The following PCED1B variants were observed in gnomAD, a reference collection of about 807,000 sequenced individuals.
The protein encoded by PCED1B is PC-esterase domain-containing protein 1B.
For missense variants in PCED1B, 573 were observed against 573.9 expected (o/e 1.00, Z 0.02); for synonymous variants, 251 against 246.1 (o/e 1.02, Z -0.19).
Position 47,146,993 on chromosome 12 carries a change from T to C in PCED1B, c.-526+42798T>C, listed in dbSNP as rs1940810883. Among the ~76,000 whole-genome samples the C allele has an allele frequency of 3.1e-5, 4 of 130,598 alleles. No homozygotes were observed. In the Admixed American group the frequency reaches 3.5e-4, roughly 12 times the overall value. 85.7% of individuals were successfully genotyped at this position (130,598 alleles called of 152,430 possible). A position where few individuals can be genotyped will look rare whatever the true frequency, so the allele number is the denominator to read the frequency against. ...AAATTTCTTTAGATATCCTAGTTCATTGCTCTTTTTTTTTTTTTTTTTTTT... is the reference window on the plus strand; with the variant it reads ...AAATTTCTTTAGATATCCTAGTTCACTGCTCTTTTTTTTTTTTTTTTTTTT... On this transcript the variant is annotated intron_variant, in intron 2 of 3. Coordinates refer to ENST00000546455, the MANE Select transcript of PCED1B (RefSeq NM_138371.3).
rs1357587210 is a variant in PCED1B at position 47,236,528 on chromosome 12, G to A, written c.*166G>A. 1.4e-6 allele frequency: 1 copy of A among 702,292 alleles called. No individual in the cohort carries two copies. Among genetic ancestry groups the A allele is most frequent in the South Asian group, 2.7e-5 (1 of 37,266 alleles). 43.5% of individuals were successfully genotyped at this position (702,292 alleles called of 1,614,324 possible). On this transcript the variant is annotated 3_prime_UTR_variant, in exon 4 of 4. Transcript: ENST00000546455. The stretch of plus-strand genomic sequence containing the variant: ...TTACCAAGAAAGCCAAGGAAGAGCA[G>A]CCTGACTCATTCTTCTTGGCTGCAG...
At chr12:47,094,348 G>A (rs1175925844) in intron 1 of PCED1B, among the ~76,000 whole-genome samples, 1 of 152,036 alleles carries the variant, frequency 6.6e-6, no homozygotes, top group African/African-American at 2.4e-5. Context: ...ATTTGGGTTT[G>A]TTTTTTATCT....
chr12:47,108,846 G>C lies in PCED1B; in HGVS notation c.-526+4651G>C, dbSNP rs1939071396. Reference sequence around the variant, plus strand: ...TTGGGAAGCCAAGGCAAGATTACTTGAGAGCAGTCTGGGCAATATAGTGAG... The same window carrying C: ...TTGGGAAGCCAAGGCAAGATTACTTCAGAGCAGTCTGGGCAATATAGTGAG... On this transcript the variant is annotated intron_variant, in intron 2 of 3. Transcript: ENST00000546455. Among the ~76,000 whole-genome samples the C allele has an allele frequency of 2.0e-5, 3 of 152,186 alleles. No homozygotes were observed. The South Asian group carries it at 6.2e-4, about 31-fold the overall frequency.
intron 2 of PCED1B, among the ~76,000 whole-genome samples, chr12:47,183,014 CTT>C (rs11317506): frequency 2.0e-5 from 3 of 147,586 alleles, no homozygotes; most frequent in Non-Finnish European, 3.0e-5. Context: ...AGGGGTCTCT[CTT>C]TTTTTTTTTG....
intron 2 of PCED1B, among the ~76,000 whole-genome samples, chr12:47,146,213 C>A (rs747736673): frequency 3.9e-5 from 6 of 152,298 alleles, no homozygotes; most frequent in Non-Finnish European, 7.3e-5. Context: ...TGATTGATTG[C>A]TGCAATCTCA....
chr12:47,139,738 T>C (rs927527818), intron 2 of PCED1B, among the ~76,000 whole-genome samples: 3 of 152,044 alleles, frequency 2.0e-5, no homozygotes, highest in Admixed American at 1.3e-4. Flanking sequence ...TGCTGTATGG[T>C]ATTTTGTGTA....
At chr12:47,231,319 A>G (rs996313625) in intron 3 of PCED1B, among the ~76,000 whole-genome samples, 4 of 152,216 alleles carry the variant, frequency 2.6e-5, no homozygotes, top group African/African-American at 9.6e-5. Context: ...AAAGAACTAC[A>G]CATTTTGTGA....
chr12:47,085,433 G>A (rs1322385904), intron 1 of PCED1B, among the ~76,000 whole-genome samples: 1 of 152,180 alleles, frequency 6.6e-6, no homozygotes, highest in Non-Finnish European at 1.5e-5. Flanking sequence ...CTTTATAGTT[G>A]AGAGGTCACT....
At chr12:47,213,078 G>A (rs1471156417) in intron 2 of PCED1B, among the ~76,000 whole-genome samples, 1 of 152,202 alleles carries the variant, frequency 6.6e-6, no homozygotes, top group East Asian at 1.9e-4. Context: ...TGAAATCACT[G>A]ATTTGGCTTT....
chr12:47,092,650 G>A (rs926579791), intron 1 of PCED1B, among the ~76,000 whole-genome samples: 1 of 151,920 alleles, frequency 6.6e-6, no homozygotes, highest in African/African-American at 2.4e-5. Flanking sequence ...TGTTTGCTAC[G>A]GATATTTTGT....
chr12:47,158,026 C>T (rs1236676793), intron 2 of PCED1B, among the ~76,000 whole-genome samples: 2 of 152,056 alleles, frequency 1.3e-5, no homozygotes, highest in Admixed American at 6.5e-5. Context: ...CCACATTTCA[C>T]TTATCTATTT....
In PCED1B at chr12:47,207,103, A is replaced by C. The variant is rs80073002; in HGVS notation, c.-525-9119A>C. On this transcript the variant is annotated intron_variant, in intron 2 of 3. Coordinates refer to ENST00000546455, the MANE Select transcript of PCED1B (RefSeq NM_138371.3). ...TATTAGGAGAACAGCATGTAGAGTTACCCTGTGGTCTCTAGCTCAGGGCCT... is the reference window on the plus strand; with the variant it reads ...TATTAGGAGAACAGCATGTAGAGTTCCCCTGTGGTCTCTAGCTCAGGGCCT... Among the ~76,000 whole-genome samples, 12 of 152,290 alleles carry C rather than the reference A, an allele frequency of 7.9e-5. No homozygotes were observed. In the East Asian group the frequency reaches 2.3e-3, roughly 29 times the overall value.
rs1430056202 is a variant in PCED1B, at chr12:47,235,221, A to T, written c.158A>T (p.Glu53Val). 1 of 1,609,504 alleles carries T rather than the reference A, an allele frequency of 6.2e-7. No homozygotes were observed. Among genetic ancestry groups the T allele is most frequent in the Admixed American group, 1.7e-5 (1 of 59,802 alleles). The part of the protein sequence containing the change: ...LTPGQLRARG[E>V]LNFEQDELVD... ...CCCGGGCAGCTTAGAGCAAGGGGGGAGCTGAACTTCGAACAAGATGAGCTG... is the reference window on the plus strand; with the variant it reads ...CCCGGGCAGCTTAGAGCAAGGGGGGTGCTGAACTTCGAACAAGATGAGCTG... The change falls in exon 4 of 4, where the codon GAG becomes GTG. Residue 53 changes from glutamate to valine, a missense_variant. By Grantham distance (121) the Glu-to-Val change is moderately radical (BLOSUM62 -2). Coordinates refer to ENST00000546455, the MANE Select transcript of PCED1B (RefSeq NM_138371.3).
chr12:47,130,495 A>T (rs768716812), intron 2 of PCED1B, among the ~76,000 whole-genome samples: 3 of 152,126 alleles, frequency 2.0e-5, no homozygotes, highest in Non-Finnish European at 4.4e-5. Context: ...TGGGCAACAT[A>T]GTGAAATCCC....
chr12:47,137,268 G>T (rs1940412432), intron 2 of PCED1B, among the ~76,000 whole-genome samples: 1 of 152,008 alleles, frequency 6.6e-6, no homozygotes, highest in African/African-American at 2.4e-5. Context: ...GGCATATTTT[G>T]ATTAAACATG....
chr12:47,089,628 C>G (rs900334174), intron 1 of PCED1B, among the ~76,000 whole-genome samples: 8 of 151,300 alleles, frequency 5.3e-5, no homozygotes, highest in Non-Finnish European at 8.8e-5. Flanking sequence ...CATTTGATGA[C>G]TTGAATGTTT....
chr12:47,227,623 G>A (rs909604372), intron 3 of PCED1B, among the ~76,000 whole-genome samples: 1 of 151,962 alleles, frequency 6.6e-6, no homozygotes, highest in African/African-American at 2.4e-5. Flanking sequence ...GGAGGGCGAG[G>A]TGAGTGGATC....
intron 2 of PCED1B, among the ~76,000 whole-genome samples, chr12:47,133,755 T>A (rs1191617304): frequency 6.6e-6 from 1 of 152,204 alleles, no homozygotes; most frequent in Non-Finnish European, 1.5e-5. Flanking sequence ...AGGTCCTTGT[T>A]ATGGACTGAA....
chr12:47,189,433 T>C (rs1942376564), intron 2 of PCED1B, among the ~76,000 whole-genome samples: 1 of 152,234 alleles, frequency 6.6e-6, no homozygotes, highest in African/African-American at 2.4e-5. Context: ...GCCTGTAATC[T>C]TGCTTAAATA....
Sources: allele counts gnomAD v4.1 joint callset (sites outside exome capture counted in the v4.1 genomes callset), GRCh38; gene constraint gnomAD v4.1.1; transcripts MANE v1.5; gene names NCBI Gene and HGNC (gene_info 2026-07-23, HGNC 2026-07-21).